Variants in GCSAML observed in about 807,000 individuals in gnomAD.
GCSAML encodes germinal center-associated signaling and motility-like protein.
GCSAML carries 9 observed loss-of-function variants against 13.0 expected under a neutral mutation model. The ratio of observed to expected loss-of-function variants is 0.69; its 90% CI spans 0.42 to 1.21. The LOEUF is 1.21. Ranked by LOEUF, GCSAML falls within the 50% of genes most tolerant of loss-of-function variation. The pLI is 0.00. For synonymous variants in GCSAML, 37 were observed against 52.9 expected (o/e 0.70, Z 1.31); for missense variants, 143 against 153.4 (o/e 0.93, Z 0.36).
intron 2 of GCSAML, among the ~76,000 whole-genome samples, chr1:247,537,289 G>A (rs7541196): frequency 0.079 from 12,007 of 152,158 alleles, 764 homozygotes; most frequent in African/African-American, 0.18. Context: ...ATGTTGTAGC[G>A]TGTATCAGTA....
intron 1 of GCSAML, among the ~76,000 whole-genome samples, chr1:247,508,964 A>G (rs758528168): frequency 6.6e-6 from 1 of 152,196 alleles, no homozygotes; most frequent in East Asian, 1.9e-4. Flanking sequence ...CTTTTTGCTT[A>G]GAAACATCTT....
chr1:247,569,383 A>G (rs1668512869), intron 4 of GCSAML, among the ~76,000 whole-genome samples: 1 of 152,238 alleles, frequency 6.6e-6, no homozygotes, highest in South Asian at 2.1e-4. Flanking sequence ...AGGTTTGATC[A>G]GTACCTAGTT....
chr1:247,510,489 C>T (rs955216209), intron 1 of GCSAML, among the ~76,000 whole-genome samples: 9 of 151,912 alleles, frequency 5.9e-5, no homozygotes, highest in Admixed American at 5.3e-4. Flanking sequence ...AAGGATTTTT[C>T]GTGTCTCTAT....
In GCSAML at chr1:247,508,163, C is replaced by T. The variant is rs141875879; in HGVS notation, c.-263+930C>T. Among the ~76,000 whole-genome samples the T allele has an allele frequency of 4.9e-3, 752 of 152,282 alleles. 14 individuals carry two copies. Among genetic ancestry groups the T allele is most frequent in the East Asian group, 0.044 (230 of 5,182 alleles). On this transcript the variant is annotated intron_variant, in intron 1 of 5. Transcript: ENST00000366489. Reference sequence around the variant, plus strand: ...AAAAGCATTCCTATTTCTCCACATCCTCTCCAGCATCTGTTGTTTCCTGAC... The same window carrying T: ...AAAAGCATTCCTATTTCTCCACATCTTCTCCAGCATCTGTTGTTTCCTGAC...
chr1:247,572,032 G>C (rs1253794840), intron 4 of GCSAML, among the ~76,000 whole-genome samples: 1 of 152,044 alleles, frequency 6.6e-6, no homozygotes, highest in Admixed American at 6.6e-5. Context: ...AAGTTTTCGT[G>C]CTATGTTTTT....
At chr1:247,522,870 C>A (rs1666504951) in intron 1 of GCSAML, among the ~76,000 whole-genome samples, 1 of 150,120 alleles carries the variant, frequency 6.7e-6, no homozygotes, top group Non-Finnish European at 1.5e-5. Flanking sequence ...TATGACCCTG[C>A]CAAATCCCCC....
intron 1 of GCSAML, among the ~76,000 whole-genome samples, chr1:247,553,355 A>T (rs992627728): frequency 6.6e-6 from 1 of 152,054 alleles, no homozygotes; most frequent in African/African-American, 2.4e-5. Flanking sequence ...TTAATATATC[A>T]TCTATAAAGT....
chr1:247,562,408 T>C (rs997228685), intron 2 of GCSAML, among the ~76,000 whole-genome samples: 1 of 152,116 alleles, frequency 6.6e-6, no homozygotes, highest in Non-Finnish European at 1.5e-5. Context: ...AGGCTCCTTA[T>C]TTACTGCTCA....
rs148813172 is a variant in GCSAML, at chr1:247,531,671, C to T, written c.-148+4617C>T. The T allele has an allele frequency of 2.4e-4, 393 of 1,614,166 alleles. 2 individuals carry two copies. In the South Asian group the frequency reaches 3.4e-3, roughly 14 times the overall value. ...AGTGGGTTCAGCGCAGGAGTGACTACGGTGTAGAACAGAGCTATGAACTTG... is the reference window on the plus strand; with the variant it reads ...AGTGGGTTCAGCGCAGGAGTGACTATGGTGTAGAACAGAGCTATGAACTTG... On this transcript the variant is annotated intron_variant, in intron 2 of 5. Transcript: ENST00000366489.
intron 2 of GCSAML, among the ~76,000 whole-genome samples, chr1:247,560,485 TG>T (rs1479883604): frequency 1.3e-5 from 2 of 152,168 alleles, no homozygotes; most frequent in African/African-American, 4.8e-5. Context: ...CCTGATGACT[TG>T]GTTTTACATA....
Position 247,522,136 on chromosome 1 carries a change from C to T in GCSAML, c.-262-4804C>T, listed in dbSNP as rs568968019. On this transcript the variant is annotated intron_variant, in intron 1 of 5. Coordinates refer to the GCSAML transcript ENST00000366489. ...CCCGTCTGAGAAGTGAGGAGCCCCT[C>T]CGCCTGGCAGCCGCCCCATCTGGAA... is the stretch of plus-strand genomic sequence containing the variant. 1.6e-3 allele frequency among the ~76,000 whole-genome samples: 242 copies of T among 152,066 alleles called. 3 individuals are homozygous for T. The highest frequency in any genetic ancestry group is 0.012 in the Admixed American group (179 of 15,292).
chr1:247,518,386 C>A (rs560083031), intron 1 of GCSAML: 1 of 152,512 alleles, frequency 6.6e-6, no homozygotes, highest in South Asian at 2.1e-4. Flanking sequence ...GGCCTCGGCC[C>A]CTCGGGGGCA....
chr1:247,553,872 T>A (rs962345104), intron 1 of GCSAML, among the ~76,000 whole-genome samples: 5 of 152,244 alleles, frequency 3.3e-5, no homozygotes, highest in African/African-American at 1.2e-4. Context: ...AGTAGTTAAT[T>A]ATGTTAATAA....
At chr1:247,513,802 A>ACCCTT (rs1666124019) in intron 1 of GCSAML, among the ~76,000 whole-genome samples, 2 of 152,210 alleles carry the variant, frequency 1.3e-5, no homozygotes, top group Non-Finnish European at 2.9e-5. Context: ...GGGTGAGGCA[A>ACCCTT]TGCTCCACCC....
In GCSAML at chr1:247,531,991, C is replaced by G. The variant is rs1367139995; in HGVS notation, c.-148+4937C>G. On this transcript the variant is annotated intron_variant, in intron 2 of 5. Transcript: ENST00000366489. The stretch of plus-strand genomic sequence containing the variant: ...CATCTCGCAAAAGAAGTGGTCGATG[C>G]AATTGTTCCCACACAGCGGTAGGAG... 3.7e-6 allele frequency: 6 copies of G among 1,614,120 alleles called. No individual in the cohort carries two copies. The Admixed American group carries it at 1.0e-4, about 27-fold the overall frequency.
intron 2 of GCSAML, among the ~76,000 whole-genome samples, chr1:247,562,914 G>C (rs892670103): frequency 6.6e-6 from 1 of 151,322 alleles, no homozygotes; most frequent in South Asian, 2.1e-4. Context: ...ATCTCTGCTC[G>C]CTGCAACCTC....
chr1:247,523,997 T>TACACACAC (rs34257635), intron 1 of GCSAML, among the ~76,000 whole-genome samples: 11,275 of 147,742 alleles, frequency 0.076, 486 homozygotes, highest in South Asian at 0.14. Flanking sequence ...ACATCTGTCT[T>TACACACAC]ACACACACAC....
chr1:247,561,602 G>A (rs547477735), intron 2 of GCSAML, among the ~76,000 whole-genome samples: 8 of 151,802 alleles, frequency 5.3e-5, no homozygotes, highest in African/African-American at 1.5e-4. Flanking sequence ...CTCTATAATT[G>A]TTTTCCTGGT....
intron 2 of GCSAML, among the ~76,000 whole-genome samples, chr1:247,535,371 G>C (rs1667178679): frequency 6.6e-6 from 1 of 152,184 alleles, no homozygotes; most frequent in Non-Finnish European, 1.5e-5. Flanking sequence ...TCAAAACGTG[G>C]ATGTTTTCAT....
Sources: allele counts gnomAD v4.1 joint callset (sites outside exome capture counted in the v4.1 genomes callset), GRCh38; gene constraint gnomAD v4.1.1; transcripts MANE v1.5; gene names NCBI Gene and HGNC (gene_info 2026-07-23, HGNC 2026-07-21).